KIRREL3: variants seen among roughly 807,000 people sequenced by gnomAD.
KIRREL3 encodes the protein kin of IRRE-like protein 3.
In KIRREL3, 36 loss-of-function variants were observed where a neutral mutation model predicts 89.7. The ratio of observed to expected loss-of-function variants is 0.40; its 90% CI spans 0.31 to 0.53. The LOEUF (loss-of-function observed/expected upper bound fraction) is 0.53. Among genes scored for constraint, KIRREL3 ranks in the 20% least tolerant of loss-of-function variants. KIRREL3 has a pLI of 0.49. For synonymous variants in KIRREL3, 445 were observed against 441.4 expected, an observed-to-expected ratio of 1.01 and a Z score of -0.10; for missense variants, 864 against 1,056.6, an observed-to-expected ratio of 0.82 and a Z score of 2.53.
At position 126,923,122 on chromosome 11, in the gene KIRREL3, C is replaced by CT. The variant is rs1565422443; in HGVS notation, c.55+77332_55+77333insA. On this transcript the variant is annotated intron_variant, in intron 1 of 16. Transcript: ENST00000525144. ...TTCTTCTCCTTCTCCTTCTCCTTCT[C>CT]CTTCTTCTCTTCTTCTTCTTCTTCT... Among the ~76,000 whole-genome samples, 330 of 46,886 alleles carry CT rather than the reference C, an allele frequency of 7.0e-3. 38 individuals carry two copies. The highest frequency in any genetic ancestry group is 0.045 in the Middle Eastern group (2 of 44). The allele number at this position is 46,886 out of a possible 152,430, so 30.8% of individuals were successfully genotyped here. A position where few individuals can be genotyped will look rare whatever the true frequency, so the allele number is the denominator to read the frequency against.
intron 1 of KIRREL3, among the ~76,000 whole-genome samples, chr11:126,949,072 T>C (rs1166679502): frequency 1.3e-5 from 2 of 152,260 alleles, no homozygotes; most frequent in African/African-American, 4.8e-5. Context: ...TTAAATAATC[T>C]CCTGACTAAT....
chr11:126,681,791 G>C (rs1171079862), intron 1 of KIRREL3: 1 of 422,380 alleles, frequency 2.4e-6, no homozygotes, highest in Non-Finnish European at 4.8e-6. Flanking sequence ...AGGGTTCTAT[G>C]AGGCTGAAAA....
Position 126,745,387 on chromosome 11 carries a change from A to G in KIRREL3, c.56-182475T>C, listed in dbSNP as rs545181685. On this transcript the variant is annotated intron_variant, in intron 1 of 16. Transcript: ENST00000525144. The stretch of plus-strand genomic sequence containing the variant: ...TGGTTCACATTTCAACATCTGAAAA[A>G]AAAAGACAAAATGGAATTTTACAAT... Among the ~76,000 whole-genome samples, 166 of 152,312 alleles carry G rather than the reference A, an allele frequency of 1.1e-3. 2 individuals are homozygous for G. In the South Asian group the frequency reaches 0.033, roughly 30 times the overall value.
In KIRREL3 at chr11:126,569,499, G is replaced by T. The variant is rs1387200765; in HGVS notation, c.56-6587C>A. On this transcript the variant is annotated intron_variant, in intron 1 of 16. Transcript: ENST00000525144. This position sits in a 1 kb window ranked among gnomAD's most constrained non-coding sequence, Gnocchi z 6.5. ...GACACTCGCAAAGAGGCCACTAAGT[G>T]CTGGGCACTATGTGCAAGAGAAAAA... Among the ~76,000 whole-genome samples, 2 of 152,160 alleles carry T rather than the reference G, an allele frequency of 1.3e-5. No individual in the cohort carries two copies. Among genetic ancestry groups the T allele is most frequent in the Non-Finnish European group, 2.9e-5 (2 of 68,038 alleles).
intron 1 of KIRREL3, among the ~76,000 whole-genome samples, chr11:126,853,739 TA>T (rs371500160): frequency 6.1e-5 from 9 of 148,060 alleles, no homozygotes; most frequent in African/African-American, 1.7e-4. Flanking sequence ...CACATAAACT[TA>T]AAAAAAAAAC....
intron 1 of KIRREL3, among the ~76,000 whole-genome samples, chr11:126,613,871 CTTTT>C (rs5795506): frequency 3.4e-5 from 3 of 88,542 alleles, no homozygotes; most frequent in Non-Finnish European, 6.5e-5. Context: ...AATACTGTTG[CTTTT>C]TTTTTTTTTT....
At position 126,490,451 on chromosome 11, in the gene KIRREL3, G is replaced by A. The variant is rs1376338342; in HGVS notation, c.434-16985C>T. On this transcript the variant is annotated intron_variant, in intron 4 of 16. Coordinates refer to ENST00000525144, the MANE Select transcript of KIRREL3 (RefSeq NM_032531.4). This position sits in a 1 kb window ranked among gnomAD's most constrained non-coding sequence, Gnocchi z 4.2. Reference sequence around the variant, plus strand: ...CGGGTGCTCAGAAAAGACCATGTAGGCCTGTGTTCCACGGGTGCTCAGAAA... The same window carrying A: ...CGGGTGCTCAGAAAAGACCATGTAGACCTGTGTTCCACGGGTGCTCAGAAA... 6.6e-6 allele frequency among the ~76,000 whole-genome samples: 1 copy of A among 152,056 alleles called. No homozygotes were observed. The highest frequency in any genetic ancestry group is 6.6e-5 in the Admixed American group (1 of 15,258).
At position 126,708,235 on chromosome 11, in the gene KIRREL3, T is replaced by C. The variant is rs964960296; in HGVS notation, c.56-145323A>G. 1.3e-5 allele frequency among the ~76,000 whole-genome samples: 2 copies of C among 152,218 alleles called. No individual in the cohort carries two copies. Among genetic ancestry groups the C allele is most frequent in the African/African-American group, 4.8e-5 (2 of 41,440 alleles). The stretch of plus-strand genomic sequence containing the variant: ...TTTTTCCTGGCAGTTTACAATGTTA[T>C]ATTGCTACCAAAGCGGGCAAAATGA... On this transcript the variant is annotated intron_variant, in intron 1 of 16. Coordinates refer to ENST00000525144, the MANE Select transcript of KIRREL3 (RefSeq NM_032531.4). The surrounding 1 kb of genome is among the most constrained non-coding windows in gnomAD (Gnocchi z 5.7).
Position 126,454,436 on chromosome 11 carries a change from A to C in KIRREL3, c.848+1913T>G. 6.6e-6 allele frequency among the ~76,000 whole-genome samples: 1 copy of C among 152,114 alleles called. No individual in the cohort carries two copies. Among genetic ancestry groups the C allele is most frequent in the East Asian group, 1.9e-4 (1 of 5,194 alleles). The stretch of plus-strand genomic sequence containing the variant: ...TGTGTCCTGGTCTCTGGGGCGCCCA[A>C]CAGGCATTCTAAGGGTGGCTGTGAG... On this transcript the variant is annotated intron_variant, in intron 7 of 16. Coordinates refer to ENST00000525144, the MANE Select transcript of KIRREL3 (RefSeq NM_032531.4). This position sits in a 1 kb window ranked among gnomAD's most constrained non-coding sequence, Gnocchi z 5.8.
rs58127979 is a variant in KIRREL3 at position 126,664,215 on chromosome 11, G to A, written c.56-101303C>T. Reference sequence around the variant, plus strand: ...TCTGAGGATCAGAGTGAGGTTTCAGGCTTTTGCTGGGGCCATTAGCATTTT... The same window carrying A: ...TCTGAGGATCAGAGTGAGGTTTCAGACTTTTGCTGGGGCCATTAGCATTTT... On this transcript the variant is annotated intron_variant, in intron 1 of 16. Transcript: ENST00000525144. The surrounding 1 kb of genome is among the most constrained non-coding windows in gnomAD (Gnocchi z 5.4). 0.024 allele frequency among the ~76,000 whole-genome samples: 3,545 copies of A among 150,662 alleles called. 144 individuals carry two copies. Among genetic ancestry groups the A allele is most frequent in the African/African-American group, 0.08 (3,264 of 40,940 alleles).
At position 126,601,683 on chromosome 11, in the gene KIRREL3, G is replaced by A. The variant is rs997360888; in HGVS notation, c.56-38771C>T. Among the ~76,000 whole-genome samples, 1 of 152,014 alleles carries A rather than the reference G, an allele frequency of 6.6e-6. No individual in the cohort carries two copies. Among genetic ancestry groups the A allele is most frequent in the African/African-American group, 2.4e-5 (1 of 41,380 alleles). ...TCCTGGCCCCCTCTGCCCACTTGCC[G>A]CCCCTCCTCCATTCTTCTCATGCAT... is the stretch of plus-strand genomic sequence containing the variant. On this transcript the variant is annotated intron_variant, in intron 1 of 16. Transcript: ENST00000525144. This position sits in a 1 kb window ranked among gnomAD's most constrained non-coding sequence, Gnocchi z 5.8.
chr11:126,487,587 T>G (rs868845955), intron 4 of KIRREL3, among the ~76,000 whole-genome samples: 4 of 152,184 alleles, frequency 2.6e-5, no homozygotes, highest in Admixed American at 6.5e-5. Context: ...GACCTGAGCC[T>G]TCTTCTTTTT....
chr11:126,481,634 C>A (rs1026518067), intron 4 of KIRREL3, among the ~76,000 whole-genome samples: 2 of 152,262 alleles, frequency 1.3e-5, no homozygotes, highest in Non-Finnish European at 2.9e-5. Context: ...GTCTTGCCAA[C>A]TAGCCTGGTT....
In KIRREL3 at chr11:126,708,716, TCCAGGGCCCTCCCG is replaced by T. The variant is rs1305420163; in HGVS notation, c.56-145818_56-145805del. ...CCTCCTCTCCCATTTCTCCGGGGCC[TCCAGGGCCCTCCCG>T]CACATTCAGCATGATCTCTGAGGAG... On this transcript the variant is annotated intron_variant, in intron 1 of 16. Transcript: ENST00000525144. The surrounding 1 kb of genome is among the most constrained non-coding windows in gnomAD (Gnocchi z 5.7). Among the ~76,000 whole-genome samples the T allele has an allele frequency of 6.6e-6, 1 of 152,144 alleles. No homozygotes were observed. The highest frequency in any genetic ancestry group is 2.4e-5 in the African/African-American group (1 of 41,426).
In KIRREL3 at chr11:126,755,823, C is replaced by CAGAGAGAG. The variant is rs10616492; in HGVS notation, c.56-192919_56-192912dup. ...GCGTGCTCGCCATCTGCCATTCAGG[C>CAGAGAGAG]AGAGAGAGAGAGAGAGAGAGAGAGA... On this transcript the variant is annotated intron_variant, in intron 1 of 16. Coordinates refer to ENST00000525144, the MANE Select transcript of KIRREL3 (RefSeq NM_032531.4). The surrounding 1 kb of genome is among the most constrained non-coding windows in gnomAD (Gnocchi z 4.3). Among the ~76,000 whole-genome samples the CAGAGAGAG allele has an allele frequency of 2.0e-5, 3 of 147,920 alleles. No homozygotes were observed. The highest frequency in any genetic ancestry group is 3.0e-5 in the Non-Finnish European group (2 of 67,210).
In KIRREL3 at chr11:126,664,434, C is replaced by G. The variant is rs1005537450; in HGVS notation, c.56-101522G>C. ...ACATGGACTTTCCAGTGTTGAGAAG[C>G]ACCTCCTTCCTCCCACCTGCCTACT... On this transcript the variant is annotated intron_variant, in intron 1 of 16. Coordinates refer to ENST00000525144, the MANE Select transcript of KIRREL3 (RefSeq NM_032531.4). The surrounding 1 kb of genome is among the most constrained non-coding windows in gnomAD (Gnocchi z 5.4). Among the ~76,000 whole-genome samples the G allele has an allele frequency of 6.6e-6, 1 of 152,162 alleles. No individual in the cohort carries two copies. Among genetic ancestry groups the G allele is most frequent in the Non-Finnish European group, 1.5e-5 (1 of 68,038 alleles).
At chr11:126,502,773 A>G (rs1407352492) in intron 4 of KIRREL3, among the ~76,000 whole-genome samples, 1 of 152,234 alleles carries the variant, frequency 6.6e-6, no homozygotes, top group African/African-American at 2.4e-5. Context: ...GTGATCTTTA[A>G]AACTGATTTC....
In KIRREL3 at chr11:126,535,191, C is replaced by T. The variant is rs185755194; in HGVS notation, c.134-8504G>A. Among the ~76,000 whole-genome samples the T allele has an allele frequency of 2.0e-5, 3 of 152,242 alleles. No homozygotes were observed. The highest frequency in any genetic ancestry group is 2.9e-5 in the Non-Finnish European group (2 of 68,010). On this transcript the variant is annotated intron_variant, in intron 2 of 16. Coordinates refer to ENST00000525144, the MANE Select transcript of KIRREL3 (RefSeq NM_032531.4). The surrounding 1 kb of genome is among the most constrained non-coding windows in gnomAD (Gnocchi z 4.5). ...TCCCCACCCTCCTCCATCGGGACTC[C>T]TCCTGACTGCTCTTCCCAAAAGCCC...
Position 126,879,089 on chromosome 11 carries a change from A to G in KIRREL3, c.55+121366T>C, listed in dbSNP as rs1294125384. On this transcript the variant is annotated intron_variant, in intron 1 of 16. Transcript: ENST00000525144. The surrounding 1 kb of genome is among the most constrained non-coding windows in gnomAD (Gnocchi z 5.4). ...ACTCTGCAGGCCAACCGGCAATTAC[A>G]ATGGCATCTTTCTTCCCATCACTGA... 1.3e-5 allele frequency among the ~76,000 whole-genome samples: 2 copies of G among 152,224 alleles called. No homozygotes were observed. Among genetic ancestry groups the G allele is most frequent in the Non-Finnish European group, 2.9e-5 (2 of 68,034 alleles).
Sources: gnomAD v4.1 joint callset for allele counts (sites outside exome capture counted in the v4.1 genomes callset) on GRCh38, gnomAD v4.1.1 for gene constraint, Gnocchi (gnomAD v3.1) non-coding constraint, MANE v1.5 for transcripts, NCBI Gene and HGNC (gene_info 2026-07-23, HGNC 2026-07-21) for gene names.